Variants in TET2 observed in about 807,000 individuals in gnomAD.
TET2 encodes the protein methylcytosine dioxygenase TET2.
Under a neutral mutation model 142.9 loss-of-function variants are expected in TET2, and 299 were observed. That is an observed-to-expected ratio of 2.09 (90% CI 1.90 to 2.30). The LOEUF is 2.30. Ranked by LOEUF, TET2 falls within the 30% of genes most tolerant of loss-of-function variation. The probability of loss-of-function intolerance (pLI) is 0.00; values close to 1 mark genes in which losing one functional copy is unlikely to be tolerated. For synonymous variants in TET2, 819 were observed against 849.0 expected (o/e 0.96, Z 0.61); for missense variants, 2,418 against 2,378.0 (o/e 1.02, Z -0.35).
intron 1 of TET2, among the ~76,000 whole-genome samples, chr4:105,155,978 G>C (rs947694591): frequency 9.2e-5 from 14 of 152,150 alleles, no homozygotes; most frequent in Non-Finnish European, 1.9e-4. Flanking sequence ...CAGTAAGATA[G>C]AATTTAGGTT....
intron 6 of TET2, among the ~76,000 whole-genome samples, chr4:105,245,400 G>A (rs553443487): frequency 9.2e-5 from 14 of 151,564 alleles, no homozygotes; most frequent in Non-Finnish European, 1.5e-4. Flanking sequence ...GTGCGATCTC[G>A]GCTCACTGCA....
Position 105,277,505 on chromosome 4 carries a change from C to G in TET2, c.*986C>G, listed in dbSNP as rs370794183. On this transcript the variant is annotated 3_prime_UTR_variant, in exon 11 of 11. Coordinates refer to ENST00000380013, the MANE Select transcript of TET2 (RefSeq NM_001127208.3). ...ACAAGTTTACTTTCATTTTAGAATGCAAAGTTGATTTTTTTAAGGAAACAA... is the reference window on the plus strand; with the variant it reads ...ACAAGTTTACTTTCATTTTAGAATGGAAAGTTGATTTTTTTAAGGAAACAA... 4.4e-6 allele frequency: 1 copy of G among 226,450 alleles called. No individual in the cohort carries two copies. Among genetic ancestry groups the G allele is most frequent in the Non-Finnish European group, 8.8e-6 (1 of 114,024 alleles). The allele number at this position is 226,450 out of a possible 1,614,324, so 14.0% of individuals were successfully genotyped here.
At chr4:105,151,931 C>T (rs991322623) in intron 1 of TET2, among the ~76,000 whole-genome samples, 48 of 151,732 alleles carry the variant, frequency 3.2e-4, no homozygotes, top group African/African-American at 1.2e-3. Flanking sequence ...AAAAATTAGC[C>T]GGGCATGGTG....
intron 2 of TET2, among the ~76,000 whole-genome samples, chr4:105,209,559 C>T (rs1727040196): frequency 6.6e-6 from 1 of 151,970 alleles, no homozygotes; most frequent in Non-Finnish European, 1.5e-5. Flanking sequence ...AGTACATATA[C>T]CAAGTTGGTT....
intron 1 of TET2, among the ~76,000 whole-genome samples, chr4:105,188,991 C>A (rs1725625158): frequency 6.6e-6 from 1 of 151,842 alleles, no homozygotes; most frequent in Admixed American, 6.6e-5. Context: ...AACCCACTGA[C>A]TCATATACTT....
At chr4:105,255,587 A>T (rs1446981554) in intron 6 of TET2, among the ~76,000 whole-genome samples, 1 of 152,198 alleles carries the variant, frequency 6.6e-6, no homozygotes, top group Non-Finnish European at 1.5e-5. Context: ...TTAGTAAATT[A>T]TCTATTTATT....
In TET2 at chr4:105,241,585, T is replaced by C. The variant is rs940984454; in HGVS notation, c.3500+156T>C. The C allele has an allele frequency of 5.1e-6, 7 of 1,382,574 alleles. No individual in the cohort carries two copies. In the African/African-American group the frequency reaches 8.8e-5, roughly 17 times the overall value. 85.6% of individuals were successfully genotyped at this position (1,382,574 alleles called of 1,614,324 possible). On this transcript the variant is annotated intron_variant, in intron 4 of 10. Transcript: ENST00000380013. Reference sequence around the variant, plus strand: ...GGGTTGCCAACACTACACACTGTGCTATTCACCAGAGAGTCACAATATTTG... The same window carrying C: ...GGGTTGCCAACACTACACACTGTGCCATTCACCAGAGAGTCACAATATTTG...
At chr4:105,245,790 A>G (rs1729557169) in intron 6 of TET2, among the ~76,000 whole-genome samples, 1 of 152,220 alleles carries the variant, frequency 6.6e-6, no homozygotes, top group Non-Finnish European at 1.5e-5. Flanking sequence ...GTAATACTGC[A>G]TTGTCTTTAA....
chr4:105,239,083 T>TTTTTTTTTG lies in TET2; in HGVS notation c.3409+1735_3409+1736insTTTTTGTTT, dbSNP rs754799213. 18 of 236,054 alleles carry TTTTTTTTTG rather than the reference T, an allele frequency of 7.6e-5. 1 individual carries two copies. The highest frequency in any genetic ancestry group is 1.3e-4 in the African/African-American group (6 of 44,592). 14.6% of individuals were successfully genotyped at this position (236,054 alleles called of 1,614,324 possible). A position where few individuals can be genotyped will look rare whatever the true frequency, so the allele number is the denominator to read the frequency against. ...TTTGGTTTTGTTTTTTGTTTTTTTT[T>TTTTTTTTTG]TTTGTTTTTTAGCAGTAAGTCTCAA... On this transcript the variant is annotated intron_variant, in intron 3 of 10. Coordinates refer to ENST00000380013, the MANE Select transcript of TET2 (RefSeq NM_001127208.3).
At chr4:105,248,924 C>T (rs1729719786) in intron 6 of TET2, among the ~76,000 whole-genome samples, 1 of 150,954 alleles carries the variant, frequency 6.6e-6, no homozygotes. Flanking sequence ...GCCTTTCTCT[C>T]TGGCTTCTTT....
intron 2 of TET2, among the ~76,000 whole-genome samples, chr4:105,203,801 A>G (rs1036839126): frequency 2.6e-5 from 4 of 152,212 alleles, no homozygotes; most frequent in African/African-American, 9.7e-5. Flanking sequence ...TTTAATTATA[A>G]TAAGGAATCT....
At chr4:105,267,148 C>G (rs768058436) in intron 8 of TET2, among the ~76,000 whole-genome samples, 2 of 151,586 alleles carry the variant, frequency 1.3e-5, no homozygotes, top group East Asian at 1.9e-4. Context: ...GAAAACAACT[C>G]TCAAAAAAGA....
At position 105,235,719 on chromosome 4, in the gene TET2, C is replaced by T. The variant is rs1162691109; in HGVS notation, c.1777C>T (p.Gln593Ter). Residue 593 changes from glutamine (Q) to a stop codon, truncating the protein, a stop_gained, in exon 3 of 11, where the codon CAA (glutamine) becomes TAA (stop). Coordinates refer to ENST00000380013, the MANE Select transcript of TET2 (RefSeq NM_001127208.3). LOFTEE classifies it high-confidence loss of function. ...ATCACTGCCATCAATTCTTCAGTAT[C>T]AACCCAATCTCTCCAATCAAATGAC... ...EASLPSILQY[Q>*]PNLSNQMTSK... The T allele has an allele frequency of 2.5e-6, 4 of 1,614,052 alleles. No individual in the cohort carries two copies. Among genetic ancestry groups the T allele is most frequent in the Non-Finnish European group, 3.4e-6 (4 of 1,180,028 alleles).
intron 3 of TET2, chr4:105,237,998 T>G: frequency 1.1e-6 from 1 of 888,788 alleles, no homozygotes; most frequent in Non-Finnish European, 1.4e-6. Flanking sequence ...TCAGAGATAT[T>G]GTGGGTTTGG....
At chr4:105,274,260 CA>C (rs1731091428) in intron 10 of TET2, among the ~76,000 whole-genome samples, 1 of 152,180 alleles carries the variant, frequency 6.6e-6, no homozygotes, top group Non-Finnish European at 1.5e-5. Flanking sequence ...GTTCTTAACT[CA>C]TATGACTTTT....
chr4:105,147,182 T>C (rs962502470), intron 1 of TET2, among the ~76,000 whole-genome samples: 20 of 152,236 alleles, frequency 1.3e-4, no homozygotes, highest in Admixed American at 5.2e-4. Context: ...TTTAAACCTG[T>C]AGTTCTGTGT....
In TET2 at chr4:105,278,543, A is replaced by C. The variant is rs1021842876; in HGVS notation, c.*2024A>C. 12 of 231,450 alleles carry C rather than the reference A, an allele frequency of 5.2e-5. 1 individual carries two copies. The highest frequency in any genetic ancestry group is 2.6e-4 in the African/African-American group (12 of 45,344). The allele number at this position is 231,450 out of a possible 1,614,324, so 14.3% of individuals were successfully genotyped here. ...CCAACATGTCACCTGTGTTTATGTA[A>C]AATTGTTGTAGGTTAATAAATATAT... On this transcript the variant is annotated 3_prime_UTR_variant, in exon 11 of 11. Transcript: ENST00000380013.
intron 1 of TET2, among the ~76,000 whole-genome samples, chr4:105,148,465 A>ATT (rs1723144413): frequency 6.6e-6 from 1 of 152,212 alleles, no homozygotes; most frequent in Non-Finnish European, 1.5e-5. Flanking sequence ...AGGGATTATA[A>ATT]TGGGAAACCC....
At chr4:105,212,663 CTT>C (rs1727238248) in intron 2 of TET2, among the ~76,000 whole-genome samples, 1 of 152,076 alleles carries the variant, frequency 6.6e-6, no homozygotes, top group Admixed American at 6.6e-5. Context: ...ATATTAGTCT[CTT>C]TTAATTTTCT....
Sources: allele counts gnomAD v4.1 joint callset (sites outside exome capture counted in the v4.1 genomes callset), GRCh38; gene constraint gnomAD v4.1.1; transcripts MANE v1.5; gene names NCBI Gene and HGNC (gene_info 2026-07-23, HGNC 2026-07-21).